FSTL5: variants seen among roughly 807,000 people sequenced by gnomAD.
FSTL5 encodes the protein follistatin-related protein 5.
FSTL5 carries 62 observed loss-of-function variants against 89.1 expected under a neutral mutation model. The observed-to-expected ratio is 0.70, with a 90% CI of 0.57 to 0.86. FSTL5 has a LOEUF of 0.86. Among genes scored for constraint, FSTL5 ranks in the 40% least tolerant of loss-of-function variants. The probability of loss-of-function intolerance (pLI) is 0.00; values close to 1 mark genes in which losing one functional copy is unlikely to be tolerated. For missense variants in FSTL5, 1,057 were observed against 1,001.6 expected, an observed-to-expected ratio of 1.06 and a Z score of -0.75; for synonymous variants, 383 against 346.2, an observed-to-expected ratio of 1.11 and a Z score of -1.18.
At chr4:161,896,270 A>C in intron 4 of FSTL5, among the ~76,000 whole-genome samples, 1 of 152,198 alleles carries the variant, frequency 6.6e-6, no homozygotes, top group East Asian at 1.9e-4. Flanking sequence ...AATGAAACAC[A>C]TGAAATAGTT....
At chr4:161,557,260 A>G (rs1166400070) in intron 8 of FSTL5, among the ~76,000 whole-genome samples, 2 of 151,426 alleles carry the variant, frequency 1.3e-5, no homozygotes, top group Non-Finnish European at 1.5e-5. Flanking sequence ...AACTTGCTAA[A>G]CAAAGATAAA....
chr4:161,394,319 A>G (rs923627628), intron 15 of FSTL5, among the ~76,000 whole-genome samples: 2 of 152,176 alleles, frequency 1.3e-5, no homozygotes, highest in African/African-American at 4.8e-5. Flanking sequence ...TCTGTAGCCC[A>G]GGCTGAAGTG....
intron 7 of FSTL5, among the ~76,000 whole-genome samples, chr4:161,594,293 AT>A (rs1218723533): frequency 2.6e-5 from 4 of 152,246 alleles, no homozygotes; most frequent in Non-Finnish European, 4.4e-5. Flanking sequence ...GGCATTTGTG[AT>A]TGTTTATATT....
chr4:162,149,352 C>T (rs536318371), intron 1 of FSTL5, among the ~76,000 whole-genome samples: 1 of 152,046 alleles, frequency 6.6e-6, no homozygotes, highest in East Asian at 1.9e-4. Context: ...GCCGACCAAC[C>T]ATCTGTCCAA....
intron 4 of FSTL5, 97 bp downstream of exon 4, chr4:161,920,307 G>T: frequency 8.1e-7 from 1 of 1,228,702 alleles, no homozygotes; most frequent in East Asian, 2.3e-5. Context: ...TTCCTTTTTA[G>T]ACCCTTGCTG....
chr4:161,428,066 T>C (rs998040802), intron 15 of FSTL5, among the ~76,000 whole-genome samples: 3 of 152,074 alleles, frequency 2.0e-5, no homozygotes, highest in Non-Finnish European at 4.4e-5. Context: ...AGAGTCGGTG[T>C]TCTTGGGAAA....
intron 2 of FSTL5, among the ~76,000 whole-genome samples, chr4:162,051,674 CA>C (rs1738382819): frequency 6.6e-6 from 1 of 151,244 alleles, no homozygotes; most frequent in Non-Finnish European, 1.5e-5. Context: ...GAATAAATAT[CA>C]ATAGGCTGCT....
intron 6 of FSTL5, among the ~76,000 whole-genome samples, chr4:161,704,702 A>C (rs2126732962): frequency 6.6e-6 from 1 of 152,246 alleles, no homozygotes; most frequent in South Asian, 2.1e-4. Context: ...TGGTTACCTA[A>C]GCAGTTTAAA....
At chr4:162,112,003 T>C (rs1165546960) in intron 1 of FSTL5, among the ~76,000 whole-genome samples, 1 of 151,886 alleles carries the variant, frequency 6.6e-6, no homozygotes, top group Non-Finnish European at 1.5e-5. Flanking sequence ...ACAAGCACTT[T>C]AAACTAAAAG....
Position 161,619,972 on chromosome 4 carries a change from A to G in FSTL5, c.895-32397T>C, listed in dbSNP as rs1469546239. Among the ~76,000 whole-genome samples the G allele has an allele frequency of 2.0e-5, 3 of 152,164 alleles. No homozygotes were observed. The East Asian group carries it at 5.8e-4, about 29-fold the overall frequency. ...CAACAACGATAGACTGGATTGAGAG[A>G]ATGTGGCACATATACACCATGGAAT... On this transcript the variant is annotated intron_variant, in intron 7 of 15. Coordinates refer to ENST00000306100, the MANE Select transcript of FSTL5 (RefSeq NM_020116.5).
intron 6 of FSTL5, among the ~76,000 whole-genome samples, chr4:161,722,495 A>G (rs1739250960): frequency 6.6e-6 from 1 of 151,982 alleles, no homozygotes. Context: ...CACATTTCCT[A>G]TATCTTCTTT....
intron 1 of FSTL5, among the ~76,000 whole-genome samples, chr4:162,118,521 A>C (rs1731736921): frequency 6.6e-6 from 1 of 152,146 alleles, no homozygotes; most frequent in Admixed American, 6.5e-5. Context: ...TCGGCCTCCC[A>C]AAGTGCTGGG....
At chr4:161,891,970 T>C (rs1170714038) in intron 4 of FSTL5, among the ~76,000 whole-genome samples, 2 of 152,102 alleles carry the variant, frequency 1.3e-5, no homozygotes, top group East Asian at 1.9e-4. Flanking sequence ...TGGAAGTCCA[T>C]ATGAATGACT....
chr4:161,657,706 G>A (rs1409137903), intron 6 of FSTL5, among the ~76,000 whole-genome samples: 3 of 152,206 alleles, frequency 2.0e-5, no homozygotes, highest in African/African-American at 7.2e-5. Context: ...GAGTTATTTG[G>A]TTTTTGGCAT....
At chr4:161,929,146 C>T in intron 3 of FSTL5, among the ~76,000 whole-genome samples, 1 of 151,248 alleles carries the variant, frequency 6.6e-6, no homozygotes, top group African/African-American at 2.4e-5. Context: ...GTTGCTCTCT[C>T]TCTTTCTTTC....
At chr4:161,472,927 G>A (rs1370689772) in intron 13 of FSTL5, among the ~76,000 whole-genome samples, 14 of 152,020 alleles carry the variant, frequency 9.2e-5, no homozygotes, top group Admixed American at 7.9e-4. Flanking sequence ...GTTTCACCAG[G>A]TTGGCCAGGA....
intron 1 of FSTL5, among the ~76,000 whole-genome samples, chr4:162,112,767 C>T (rs894158055): frequency 1.0e-4 from 12 of 116,574 alleles, no homozygotes; most frequent in South Asian, 3.3e-4. Flanking sequence ...CAAAGCTAAC[C>T]GACACAATCA....
At chr4:161,496,034 C>T (rs1310164856) in intron 12 of FSTL5, among the ~76,000 whole-genome samples, 1 of 152,030 alleles carries the variant, frequency 6.6e-6, no homozygotes, top group East Asian at 1.9e-4. Flanking sequence ...TTTTCACAAA[C>T]ACATTGAAAG....
At chr4:161,697,606 G>T (rs1351882280) in intron 6 of FSTL5, among the ~76,000 whole-genome samples, 1 of 152,104 alleles carries the variant, frequency 6.6e-6, no homozygotes, top group African/African-American at 2.4e-5. Context: ...CCACGTAAGT[G>T]CCGGCCAATG....
Sources: allele counts gnomAD v4.1 joint callset (sites outside exome capture counted in the v4.1 genomes callset), GRCh38; gene constraint gnomAD v4.1.1; transcripts MANE v1.5; gene names NCBI Gene and HGNC (gene_info 2026-07-23, HGNC 2026-07-21).